PRKCB: variants seen among roughly 807,000 people sequenced by gnomAD.
The protein encoded by PRKCB is protein kinase C beta.
In PRKCB, 13 loss-of-function variants were observed where a neutral mutation model predicts 81.5. The observed-to-expected ratio is 0.16, with a 90% confidence interval of 0.10 to 0.25. The LOEUF (loss-of-function observed/expected upper bound fraction) is 0.25, where lower values mean the gene tolerates loss of function less well. Among genes scored for constraint, PRKCB ranks in the 10% least tolerant of loss-of-function variants. PRKCB has a pLI of 1.00. For synonymous variants in PRKCB, 335 were observed against 321.4 expected (o/e 1.04, Z -0.45); for missense variants, 509 against 875.7 (o/e 0.58, Z 5.29).
intron 2 of PRKCB, among the ~76,000 whole-genome samples, chr16:23,982,521 C>T (rs765909828): frequency 1.3e-5 from 2 of 151,746 alleles, no homozygotes; most frequent in Admixed American, 6.6e-5. Context: ...CCCAGCCTCC[C>T]GGGTTCAACC....
At chr16:24,030,715 A>AT in intron 3 of PRKCB, among the ~76,000 whole-genome samples, 1 of 70,312 alleles carries the variant, frequency 1.4e-5, no homozygotes, top group Middle Eastern at 8.3e-3. Flanking sequence ...CCCCCTCTCT[A>AT]CAAAAAAAAA....
intron 5 of PRKCB, among the ~76,000 whole-genome samples, chr16:24,070,823 T>A (rs375518065): frequency 1.9e-4 from 29 of 152,196 alleles, no homozygotes; most frequent in African/African-American, 6.8e-4. Context: ...TCATAGTCCC[T>A]TCCCTTAAGG....
chr16:24,199,086 A>AAAACCTGGC (rs1340960916), intron 16 of PRKCB, among the ~76,000 whole-genome samples: 1 of 152,224 alleles, frequency 6.6e-6, no homozygotes, highest in African/African-American at 2.4e-5. Context: ...GGAAAGGCTG[A>AAAACCTGGC]AAACCTGGCA....
rs113028677 is a variant in PRKCB at position 24,139,013 on chromosome 16, G to A, written c.1065+15032G>A. Reference sequence around the variant, plus strand: ...ATTACAGGCATGCACCACTATGCCCGGCTAAATTTTATATTTTTAGTAGAG... The same window carrying A: ...ATTACAGGCATGCACCACTATGCCCAGCTAAATTTTATATTTTTAGTAGAG... On this transcript the variant is annotated intron_variant, in intron 9 of 16. Transcript: ENST00000643927. 6.8e-3 allele frequency among the ~76,000 whole-genome samples: 1,032 copies of A among 151,826 alleles called. 12 individuals carry two copies. The highest frequency in any genetic ancestry group is 0.024 in the African/African-American group (975 of 41,374).
At chr16:23,885,377 C>T (rs985322180) in intron 2 of PRKCB, among the ~76,000 whole-genome samples, 1 of 152,062 alleles carries the variant, frequency 6.6e-6, no homozygotes, top group African/African-American at 2.4e-5. Context: ...GGCATGATCT[C>T]GGCTCACTGC....
At chr16:24,041,342 G>T (rs763201674) in intron 5 of PRKCB, among the ~76,000 whole-genome samples, 1 of 151,934 alleles carries the variant, frequency 6.6e-6, no homozygotes, top group African/African-American at 2.4e-5. Context: ...GTGAGCCACC[G>T]CACCCAGCTA....
intron 2 of PRKCB, among the ~76,000 whole-genome samples, chr16:23,929,068 A>G (rs1052564117): frequency 1.3e-5 from 2 of 152,014 alleles, no homozygotes; most frequent in Non-Finnish European, 2.9e-5. Context: ...GAGTTTTGTA[A>G]TGGAGTTTTG....
At chr16:23,859,490 A>C (rs1187382173) in intron 2 of PRKCB, among the ~76,000 whole-genome samples, 1 of 152,230 alleles carries the variant, frequency 6.6e-6, no homozygotes, top group African/African-American at 2.4e-5. Flanking sequence ...CTTGTAGGCC[A>C]GACTCATAAA....
chr16:24,200,756 A>G (rs1967945615), intron 16 of PRKCB, among the ~76,000 whole-genome samples: 2 of 152,126 alleles, frequency 1.3e-5, no homozygotes, highest in Non-Finnish European at 2.9e-5. Context: ...CCCTTTTATT[A>G]GGATCCCACT....
Position 23,882,021 on chromosome 16 carries a change from T to TTCTTTCTTTCTTCCTTCCTTC in PRKCB, c.205+44615_205+44616insTCTTTCTTTCTTCCTTCCTTC, listed in dbSNP as rs1555481692. Among the ~76,000 whole-genome samples the TTCTTTCTTTCTTCCTTCCTTC allele has an allele frequency of 9.9e-4, 55 of 55,634 alleles. 3 individuals carry two copies. Among genetic ancestry groups the TTCTTTCTTTCTTCCTTCCTTC allele is most frequent in the Middle Eastern group, 7.8e-3 (1 of 128 alleles). 36.5% of individuals were successfully genotyped at this position (55,634 alleles called of 152,430 possible). ...TTCTTTCTTTCTTTCTTTCTTTCTT[T>TTCTTTCTTTCTTCCTTCCTTC]CTTCCTTCCTTCCTTCCTTCCTTCC... is the stretch of plus-strand genomic sequence containing the variant. On this transcript the variant is annotated intron_variant, in intron 2 of 16. Transcript: ENST00000643927.
At chr16:24,017,056 A>C (rs1216026321) in intron 3 of PRKCB, among the ~76,000 whole-genome samples, 1 of 152,206 alleles carries the variant, frequency 6.6e-6, no homozygotes, top group Non-Finnish European at 1.5e-5. Context: ...GGATAAGAAT[A>C]ACCAAGAAAA....
chr16:23,945,022 T>C (rs1021759392), intron 2 of PRKCB, among the ~76,000 whole-genome samples: 3 of 151,740 alleles, frequency 2.0e-5, no homozygotes, highest in Admixed American at 1.3e-4. Flanking sequence ...GAGGAGGCTA[T>C]TGGGGGATGA....
At chr16:24,089,887 TTGAG>T (rs1257501280) in intron 5 of PRKCB, among the ~76,000 whole-genome samples, 6 of 152,176 alleles carry the variant, frequency 3.9e-5, no homozygotes, top group Non-Finnish European at 8.8e-5. Flanking sequence ...TTAACATTTA[TTGAG>T]TATTTTTTAA....
intron 2 of PRKCB, among the ~76,000 whole-genome samples, chr16:23,853,752 A>C (rs1962512581): frequency 6.6e-6 from 1 of 151,870 alleles, no homozygotes; most frequent in Admixed American, 6.6e-5. Flanking sequence ...TCTTGTTTTT[A>C]GTTATTAGAA....
chr16:23,924,544 T>G (rs1251735875), intron 2 of PRKCB, among the ~76,000 whole-genome samples: 1 of 152,074 alleles, frequency 6.6e-6, no homozygotes, highest in Non-Finnish European at 1.5e-5. Flanking sequence ...CTAGTTTCTG[T>G]TTCCTCTTGT....
At chr16:23,883,713 A>G (rs6497695) in intron 2 of PRKCB, among the ~76,000 whole-genome samples, 147,153 of 152,236 alleles carry the variant, frequency 0.97, 71,153 homozygotes, top group East Asian at 1. Context: ...CTTACTGGTA[A>G]ATGGGATATG....
chr16:23,935,432 G>A (rs1356108435), intron 2 of PRKCB, among the ~76,000 whole-genome samples: 2 of 152,148 alleles, frequency 1.3e-5, no homozygotes, highest in Admixed American at 6.5e-5. Context: ...CCCAGCTGCA[G>A]CAAACTTCTC....
intron 3 of PRKCB, among the ~76,000 whole-genome samples, chr16:24,025,152 A>C (rs1161387130): frequency 1.3e-5 from 2 of 152,168 alleles, no homozygotes; most frequent in African/African-American, 2.4e-5. Flanking sequence ...ATCTGGCTCT[A>C]ATCTGTGCTG....
chr16:23,841,303 C>T (rs1962259713), intron 2 of PRKCB, among the ~76,000 whole-genome samples: 1 of 152,076 alleles, frequency 6.6e-6, no homozygotes, highest in African/African-American at 2.4e-5. Context: ...TGGTCTTGAA[C>T]TCCTGACCTC....
Sources: gnomAD v4.1 joint callset for allele counts (sites outside exome capture counted in the v4.1 genomes callset) on GRCh38, gnomAD v4.1.1 for gene constraint, MANE v1.5 for transcripts, NCBI Gene and HGNC (gene_info 2026-07-23, HGNC 2026-07-21) for gene names.